The following UNK variants were observed in gnomAD, a reference collection of about 807,000 sequenced individuals.
UNK encodes the protein unk zinc finger, also known as RING finger protein unkempt homolog.
In UNK, 32 loss-of-function variants were observed where a neutral mutation model predicts 97.6. The ratio of observed to expected loss-of-function variants is 0.33; its 90% confidence interval spans 0.25 to 0.44. The LOEUF (loss-of-function observed/expected upper bound fraction) is 0.44. UNK is among the 20% of genes least tolerant of loss of function. UNK has a pLI of 1.00. For missense variants in UNK, 771 were observed against 1,098.4 expected (o/e 0.70, Z 4.21); for synonymous variants, 441 against 461.2 (o/e 0.96, Z 0.56).
chr17:75,820,603 G>C (rs1258421054), intron 13 of UNK, among the ~76,000 whole-genome samples: 1 of 152,230 alleles, frequency 6.6e-6, no homozygotes, highest in East Asian at 1.9e-4. Flanking sequence ...CCCAGGGCTG[G>C]CCCAGAAGGC....
chr17:75,813,361 A>G lies in UNK; in HGVS notation c.758+148A>G, dbSNP rs3803733. 198,250 of 1,174,146 alleles carry G rather than the reference A, an allele frequency of 0.17. 18,387 individuals are homozygous for G. Among genetic ancestry groups the G allele is most frequent in the African/African-American group, 0.26 (16,961 of 64,324 alleles). 72.7% of individuals were successfully genotyped at this position (1,174,146 alleles called of 1,614,324 possible). ...AAGCCCAGGGCCCAGGGGAGGGCATAGTGAGGATAGCTGGACAGTAGGAGC... is the reference window on the plus strand; with the variant it reads ...AAGCCCAGGGCCCAGGGGAGGGCATGGTGAGGATAGCTGGACAGTAGGAGC... On this transcript the variant is annotated intron_variant, in intron 5 of 15. Coordinates refer to ENST00000589666, the MANE Select transcript of UNK (RefSeq NM_001080419.3).
chr17:75,786,665 GCCCAAT>G, intron 1 of UNK, among the ~76,000 whole-genome samples: 1 of 152,272 alleles, frequency 6.6e-6, no homozygotes, highest in Admixed American at 6.5e-5. Flanking sequence ...AGACCAGCCT[GCCCAAT>G]ATGGCAAAAC....
At position 75,822,591 on chromosome 17, in the gene UNK, G is replaced by T; in HGVS notation, c.1952G>T (p.Arg651Leu). 2 of 1,613,220 alleles carry T rather than the reference G, an allele frequency of 1.2e-6. No homozygotes were observed. Among genetic ancestry groups the T allele is most frequent in the Non-Finnish European group, 1.7e-6 (2 of 1,179,744 alleles). Residue 651 changes from arginine (R) to leucine (L), a missense_variant, in exon 14 of 16, where the codon CGG (arginine) becomes CTG (leucine). Physicochemically the swap from Arg to Leu is moderately radical, Grantham distance 102 (BLOSUM62 -2). This residue lies in a region of UNK where 208 missense variants were observed against 257.4 expected (regional missense o/e 0.81). Coordinates refer to ENST00000589666, the MANE Select transcript of UNK (RefSeq NM_001080419.3). ...GPGAAELARL[R>L]QELDEANSTI... is the part of the protein sequence containing the mutation. ...GGGGCTGCCGAGCTGGCCCGACTTC[G>T]GCAAGAGCTGGATGAAGCCAACAGC...
At chr17:75,811,187 G>A (rs2061965959) in intron 2 of UNK, among the ~76,000 whole-genome samples, 1 of 152,122 alleles carries the variant, frequency 6.6e-6, no homozygotes, top group Non-Finnish European at 1.5e-5. Flanking sequence ...CTGACCTCAG[G>A]TGATCCACCC....
intron 1 of UNK, among the ~76,000 whole-genome samples, chr17:75,803,290 C>G (rs1378460458): frequency 6.6e-6 from 1 of 152,146 alleles, no homozygotes; most frequent in Non-Finnish European, 1.5e-5. Context: ...GTAGTCCCAG[C>G]TACTTGGGAG....
At chr17:75,802,970 C>G (rs2061875332) in intron 1 of UNK, among the ~76,000 whole-genome samples, 1 of 122,370 alleles carries the variant, frequency 8.2e-6, no homozygotes. Context: ...ACTAAAAATA[C>G]AAAAATTACA....
chr17:75,785,017 G>GCA (rs2061693688), intron 1 of UNK, 33 bp downstream of exon 1: 2 of 1,335,750 alleles, frequency 1.5e-6, no homozygotes, highest in East Asian at 3.0e-5. Flanking sequence ...CGCCGCGCGC[G>GCA]CACGCCTGAC....
intron 15 of UNK, among the ~76,000 whole-genome samples, chr17:75,823,904 G>A (rs562791161): frequency 1.3e-5 from 2 of 152,310 alleles, no homozygotes; most frequent in African/African-American, 4.8e-5. Flanking sequence ...CGGGGCCAAC[G>A]TGGCATGGTG....
intron 1 of UNK, among the ~76,000 whole-genome samples, chr17:75,806,721 T>C (rs888533380): frequency 6.6e-6 from 1 of 151,550 alleles, no homozygotes; most frequent in Non-Finnish European, 1.5e-5. Flanking sequence ...TGCAGTGAGC[T>C]GAGATTGCGC....
In UNK at chr17:75,814,734, A is replaced by C. The variant is rs560455357; in HGVS notation, c.877-435A>C. 3.3e-5 allele frequency among the ~76,000 whole-genome samples: 5 copies of C among 152,312 alleles called. No homozygotes were observed. The East Asian group carries it at 9.7e-4, about 29-fold the overall frequency. ...ACCCTGAGGTAGACACGCGGACAGA[A>C]ACTACCTTATGTAGCTGCAGACAGC... On this transcript the variant is annotated intron_variant, in intron 6 of 15. Transcript: ENST00000589666.
In UNK at chr17:75,818,559, G is replaced by GC. The variant is rs991824183; in HGVS notation, c.1372-78dup. Reference sequence around the variant, plus strand: ...AGAGCTAGCACGGGCCATTTCCCTTGCCCCCAGCCCCTCTCCAGCCTCTCG... The same window carrying GC: ...AGAGCTAGCACGGGCCATTTCCCTTGCCCCCCAGCCCCTCTCCAGCCTCTCG... On this transcript the variant is annotated intron_variant, in intron 10 of 15. Coordinates refer to ENST00000589666, the MANE Select transcript of UNK (RefSeq NM_001080419.3). The surrounding 1 kb of genome is among the most constrained non-coding windows in gnomAD (Gnocchi z 5.1). 6.2e-6 allele frequency: 9 copies of GC among 1,453,740 alleles called. No homozygotes were observed. Among genetic ancestry groups the GC allele is most frequent in the Non-Finnish European group, 8.3e-6 (9 of 1,086,572 alleles). The allele number at this position is 1,453,740 out of a possible 1,614,324, so 90.1% of individuals were successfully genotyped here.
intron 1 of UNK, among the ~76,000 whole-genome samples, chr17:75,805,660 A>G (rs2061905920): frequency 6.6e-6 from 1 of 151,534 alleles, no homozygotes; most frequent in Non-Finnish European, 1.5e-5. Flanking sequence ...TTAGCTGGGC[A>G]TGGGGGCACG....
intron 2 of UNK, 76 bp downstream of exon 2, chr17:75,810,045 G>T: frequency 6.4e-7 from 1 of 1,554,648 alleles, no homozygotes. Flanking sequence ...AGGCTGGGCA[G>T]ATTCTGGGAA....
chr17:75,821,260 C>A (rs2062065178), intron 13 of UNK: 2 of 371,226 alleles, frequency 5.4e-6, no homozygotes, highest in African/African-American at 2.1e-5. Context: ...GCCACACACT[C>A]CTTCCTGCAC....
At position 75,816,753 on chromosome 17, in the gene UNK, G is replaced by A. The variant is rs745309854; in HGVS notation, c.962-17G>A. 6.3e-7 allele frequency: 1 copy of A among 1,592,534 alleles called. No individual in the cohort carries two copies. The highest frequency in any genetic ancestry group is 1.1e-5 in the South Asian group (1 of 90,408). Reference sequence around the variant, plus strand: ...AGCTGGCTGGGGCCTGCTGACCCCTGCCCCTGACTCTTGCAGAGCCACCCC... The same window carrying A: ...AGCTGGCTGGGGCCTGCTGACCCCTACCCCTGACTCTTGCAGAGCCACCCC... On this transcript the variant is annotated splice_polypyrimidine_tract_variant and intron_variant, in intron 7 of 15. Coordinates refer to ENST00000589666, the MANE Select transcript of UNK (RefSeq NM_001080419.3). The surrounding 1 kb of genome is among the most constrained non-coding windows in gnomAD (Gnocchi z 4.0).
Position 75,818,562 on chromosome 17 carries a change from CCCAGCCCCTCT to C in UNK, c.1372-73_1372-63del. On this transcript the variant is annotated intron_variant, in intron 10 of 15. Coordinates refer to ENST00000589666, the MANE Select transcript of UNK (RefSeq NM_001080419.3). This position sits in a 1 kb window ranked among gnomAD's most constrained non-coding sequence, Gnocchi z 5.1. ...GCTAGCACGGGCCATTTCCCTTGCC[CCCAGCCCCTCT>C]CCAGCCTCTCGTCCTGGCCTCCGTA... The C allele has an allele frequency of 6.8e-7, 1 of 1,480,254 alleles. No homozygotes were observed. Among genetic ancestry groups the C allele is most frequent in the Non-Finnish European group, 9.1e-7 (1 of 1,103,638 alleles). 91.7% of individuals were successfully genotyped at this position (1,480,254 alleles called of 1,614,324 possible). A position where few individuals can be genotyped will look rare whatever the true frequency, so the allele number is the denominator to read the frequency against.
At chr17:75,790,136 C>T (rs1458781630) in intron 1 of UNK, among the ~76,000 whole-genome samples, 1 of 151,746 alleles carries the variant, frequency 6.6e-6, no homozygotes, top group Non-Finnish European at 1.5e-5. Context: ...GGACTAGACT[C>T]CGTCTCAAAC....
chr17:75,790,956 TA>T (rs1441333926), intron 1 of UNK, among the ~76,000 whole-genome samples: 1 of 151,982 alleles, frequency 6.6e-6, no homozygotes, highest in Non-Finnish European at 1.5e-5. Flanking sequence ...AATAATAAAA[TA>T]AAAATAAATA....
In UNK at chr17:75,819,409, C is replaced by T. The variant is rs116570883; in HGVS notation, c.1547-275C>T. 4.7e-4 allele frequency among the ~76,000 whole-genome samples: 71 copies of T among 152,276 alleles called. No homozygotes were observed. The highest frequency in any genetic ancestry group is 1.5e-3 in the African/African-American group (64 of 41,552). On this transcript the variant is annotated intron_variant, in intron 11 of 15. Coordinates refer to ENST00000589666, the MANE Select transcript of UNK (RefSeq NM_001080419.3). This position sits in a 1 kb window ranked among gnomAD's most constrained non-coding sequence, Gnocchi z 5.4. ...AACATCAGGGGACAAGACCCTTGTC[C>T]GAGGCAGGGACCCTGGATGGGGATG...
Sources: allele counts gnomAD v4.1 joint callset (sites outside exome capture counted in the v4.1 genomes callset), GRCh38; gene constraint gnomAD v4.1.1; regional missense constraint gnomAD v4.1.1; non-coding constraint Gnocchi (gnomAD v3.1); transcripts MANE v1.5; gene names NCBI Gene and HGNC (gene_info 2026-07-23, HGNC 2026-07-21).